The following CNBP variants were observed in gnomAD, a reference collection of about 807,000 sequenced individuals.
CNBP encodes cellular nucleic acid-binding protein.
In CNBP, 6 loss-of-function variants were observed where a neutral mutation model predicts 21.2. The ratio of observed to expected loss-of-function variants is 0.28; its 90% confidence interval spans 0.16 to 0.56. The LOEUF is 0.56. Ranked by LOEUF, CNBP falls within the 20% of genes least tolerant of loss-of-function variation. The pLI, the probability that CNBP is intolerant of heterozygous loss-of-function variation, is 0.93. For missense variants in CNBP, 112 were observed against 233.1 expected, an observed-to-expected ratio of 0.48 and a Z score of 3.38; for synonymous variants, 61 against 74.9, an observed-to-expected ratio of 0.81 and a Z score of 0.96.
At chr3:129,180,947 G>T (rs2107648140) in intron 1 of CNBP, among the ~76,000 whole-genome samples, 1 of 152,080 alleles carries the variant, frequency 6.6e-6, no homozygotes, top group South Asian at 2.1e-4. Flanking sequence ...TAAAAGACAA[G>T]TAGAATTGTT....
intron 1 of CNBP, among the ~76,000 whole-genome samples, chr3:129,174,257 T>C (rs184543744): frequency 6.8e-4 from 103 of 151,098 alleles, no homozygotes; most frequent in African/African-American, 2.4e-3. Flanking sequence ...TGAAATAGTA[T>C]CTGCTTTGTA....
At position 129,181,649 on chromosome 3, in the gene CNBP, C is replaced by A. The variant is rs62265353; in HGVS notation, c.-15+2127G>T. Among the ~76,000 whole-genome samples the A allele has an allele frequency of 4.0e-4, 29 of 72,208 alleles. 1 individual carries two copies. Among genetic ancestry groups the A allele is most frequent in the African/African-American group, 1.1e-3 (16 of 14,198 alleles). 47.4% of individuals were successfully genotyped at this position (72,208 alleles called of 152,430 possible). A position where few individuals can be genotyped will look rare whatever the true frequency, so the allele number is the denominator to read the frequency against. Reference sequence around the variant, plus strand: ...TGGGCGACAGAGTGAGACTCCGTCTCAGAAAAAAAAAAAGAAAAACCCCTG... The same window carrying A: ...TGGGCGACAGAGTGAGACTCCGTCTAAGAAAAAAAAAAAGAAAAACCCCTG... On this transcript the variant is annotated intron_variant, in intron 1 of 4. Transcript: ENST00000422453.
chr3:129,171,931 T>C (rs1057507354), intron 1 of CNBP, among the ~76,000 whole-genome samples, 160 bp from the exon 2 acceptor site: 21 of 151,850 alleles, frequency 1.4e-4, no homozygotes, highest in Admixed American at 1.1e-3. Context: ...AGTAATCCCA[T>C]CACTTTGGGA....
At chr3:129,172,282 A>C (rs934759480) in intron 1 of CNBP, among the ~76,000 whole-genome samples, 2 of 151,794 alleles carry the variant, frequency 1.3e-5, no homozygotes, top group African/African-American at 4.8e-5. Flanking sequence ...AAATCCATTA[A>C]GAGAAATAAT....
chr3:129,176,480 T>C (rs767645281), intron 1 of CNBP, among the ~76,000 whole-genome samples: 1 of 152,188 alleles, frequency 6.6e-6, no homozygotes, highest in East Asian at 1.9e-4. Context: ...CATATAGTTA[T>C]CCTTTTAGTA....
chr3:129,175,524 G>C (rs1189456771), intron 1 of CNBP, among the ~76,000 whole-genome samples: 1 of 149,502 alleles, frequency 6.7e-6, no homozygotes, highest in African/African-American at 2.5e-5. Flanking sequence ...TCACCTCCTG[G>C]GTTCAAGCGA....
At chr3:129,170,757 T>G (rs1937553396) in intron 4 of CNBP, among the ~76,000 whole-genome samples, 187 bp from the exon 5 acceptor site, 2 of 152,174 alleles carry the variant, frequency 1.3e-5, no homozygotes, top group African/African-American at 4.8e-5. Context: ...AGGCAAAGAT[T>G]TCTGGTTACA....
At position 129,183,808 on chromosome 3, in the gene CNBP, G is replaced by A. The variant is rs1169334011; in HGVS notation, c.-47C>T. ...GTCGGAGCGGGCCCGCAGCGGCGGAGACTCGGACGCAGGCCTGGGGAAGAC... is the reference window on the plus strand; with the variant it reads ...GTCGGAGCGGGCCCGCAGCGGCGGAAACTCGGACGCAGGCCTGGGGAAGAC... On this transcript the variant is annotated 5_prime_UTR_variant, in exon 1 of 5. Coordinates refer to ENST00000422453, the MANE Select transcript of CNBP (RefSeq NM_003418.5). 1 of 152,908 alleles carries A rather than the reference G, an allele frequency of 6.5e-6. No individual in the cohort carries two copies. The highest frequency in any genetic ancestry group is 1.5e-5 in the Non-Finnish European group (1 of 68,226). 9.5% of individuals were successfully genotyped at this position (152,908 alleles called of 1,614,324 possible). A position where few individuals can be genotyped will look rare whatever the true frequency, so the allele number is the denominator to read the frequency against.
chr3:129,175,069 C>T (rs902367971), intron 1 of CNBP, among the ~76,000 whole-genome samples: 2 of 151,890 alleles, frequency 1.3e-5, no homozygotes, highest in Admixed American at 6.6e-5. Context: ...TGGTGGCTCA[C>T]GCCTGTAATC....
At chr3:129,170,929 T>TA (rs140942574) in intron 4 of CNBP, 150 bp downstream of exon 4, 13,267 of 744,134 alleles carry the variant, frequency 0.018, 548 homozygotes, top group South Asian at 0.085. Context: ...TATATACAGA[T>TA]AGACTGCCAG....
At chr3:129,180,642 T>G (rs941010825) in intron 1 of CNBP, among the ~76,000 whole-genome samples, 3 of 152,242 alleles carry the variant, frequency 2.0e-5, no homozygotes, top group African/African-American at 7.2e-5. Context: ...GAACAGGAGT[T>G]CTATTAAGTG....
chr3:129,179,552 T>G (rs990654376), intron 1 of CNBP, among the ~76,000 whole-genome samples: 1 of 152,110 alleles, frequency 6.6e-6, no homozygotes, highest in Admixed American at 6.6e-5. Context: ...TTATGTATTC[T>G]TGCTCCATTT....
intron 1 of CNBP, among the ~76,000 whole-genome samples, chr3:129,175,325 A>G (rs988681905): frequency 6.6e-6 from 1 of 151,850 alleles, no homozygotes; most frequent in Non-Finnish European, 1.5e-5. Context: ...CTCCGTCTTC[A>G]AAGAAAGAAA....
intron 1 of CNBP, among the ~76,000 whole-genome samples, chr3:129,183,262 T>A (rs1451179666): frequency 6.6e-6 from 1 of 152,118 alleles, no homozygotes; most frequent in Non-Finnish European, 1.5e-5. Flanking sequence ...AACCCTTTTC[T>A]AAGGCCCCCA....
chr3:129,171,986 A>G (rs1937578714), intron 1 of CNBP, among the ~76,000 whole-genome samples: 1 of 151,976 alleles, frequency 6.6e-6, no homozygotes, highest in African/African-American at 2.4e-5. Context: ...CTTGGCTAAC[A>G]TGGTGAAACC....
rs1005092477 is a variant in CNBP, at chr3:129,183,891, C to G, written c.-130G>C. The G allele has an allele frequency of 1.3e-5, 2 of 152,876 alleles. No individual in the cohort carries two copies. Among genetic ancestry groups the G allele is most frequent in the African/African-American group, 4.8e-5 (2 of 41,476 alleles). The allele number at this position is 152,876 out of a possible 1,614,324, so 9.5% of individuals were successfully genotyped here. A position where few individuals can be genotyped will look rare whatever the true frequency, so the allele number is the denominator to read the frequency against. On this transcript the variant is annotated 5_prime_UTR_variant, in exon 1 of 5. Coordinates refer to ENST00000422453, the MANE Select transcript of CNBP (RefSeq NM_003418.5). ...GTCCTTGCCTGCGCCACACGCGGGT[C>G]TGCACACGGCCCCACATACGCCGCT...
chr3:129,172,447 C>T (rs145412984), intron 1 of CNBP, among the ~76,000 whole-genome samples: 42 of 150,474 alleles, frequency 2.8e-4, no homozygotes, highest in African/African-American at 9.8e-4. Context: ...CCGGGCATGG[C>T]GGCATGCGCC....
intron 1 of CNBP, among the ~76,000 whole-genome samples, chr3:129,174,368 A>AC (rs1553787767): frequency 2.7e-5 from 4 of 149,688 alleles, no homozygotes; most frequent in African/African-American, 7.4e-5. Flanking sequence ...AAAAAAAAAA[A>AC]AAAAAACGAA....
In CNBP at chr3:129,169,720, TAAC is replaced by T. The variant is rs1433900239; in HGVS notation, c.*730_*732del. On this transcript the variant is annotated 3_prime_UTR_variant, in exon 5 of 5. Coordinates refer to ENST00000422453, the MANE Select transcript of CNBP (RefSeq NM_003418.5). ...GTCTAAGTGATATAGTATACAAAAA[TAAC>T]ATCTTGATTTCTGTGAAAATGCATT... 1.3e-4 allele frequency: 28 copies of T among 216,296 alleles called. No homozygotes were observed. Among genetic ancestry groups the T allele is most frequent in the African/African-American group, 5.4e-4 (24 of 44,450 alleles). 13.4% of individuals were successfully genotyped at this position (216,296 alleles called of 1,614,324 possible).
Sources: allele counts gnomAD v4.1 joint callset (sites outside exome capture counted in the v4.1 genomes callset), GRCh38; gene constraint gnomAD v4.1.1; transcripts MANE v1.5; gene names NCBI Gene and HGNC (gene_info 2026-07-23, HGNC 2026-07-21).